The following PTPRD variants were observed in gnomAD, a reference collection of about 807,000 sequenced individuals.
PTPRD encodes protein tyrosine phosphatase receptor type D.
PTPRD carries 34 observed loss-of-function variants against 214.5 expected under a neutral mutation model. The observed-to-expected ratio is 0.16, with a 90% CI of 0.12 to 0.21. The LOEUF (loss-of-function observed/expected upper bound fraction) is 0.21. Among genes scored for constraint, PTPRD ranks in the 10% least tolerant of loss-of-function variants. The pLI, the probability that PTPRD is intolerant of heterozygous loss-of-function variation, is 1.00. For missense variants in PTPRD, 2,545 were observed against 2,398.7 expected, an observed-to-expected ratio of 1.06 and a Z score of -1.27; for synonymous variants, 1,128 against 845.7, an observed-to-expected ratio of 1.33 and a Z score of -5.79.
intron 10 of PTPRD, among the ~76,000 whole-genome samples, chr9:9,041,955 G>A (rs1027650543): frequency 6.6e-6 from 1 of 152,192 alleles, no homozygotes; most frequent in Admixed American, 6.5e-5. Context: ...TGTCTTGGCA[G>A]AAAACGGACA....
At chr9:9,747,152 C>T (rs1405737378) in intron 6 of PTPRD, among the ~76,000 whole-genome samples, 1 of 152,042 alleles carries the variant, frequency 6.6e-6, no homozygotes, top group African/African-American at 2.4e-5. Flanking sequence ...TTTTCAAAGC[C>T]TGGAAAAGAG....
At chr9:9,823,413 G>A (rs899310607) in intron 5 of PTPRD, among the ~76,000 whole-genome samples, 2 of 152,050 alleles carry the variant, frequency 1.3e-5, no homozygotes, top group African/African-American at 4.8e-5. Flanking sequence ...CACAAGCCTG[G>A]AGGGATCTGT....
intron 12 of PTPRD, among the ~76,000 whole-genome samples, chr9:8,643,843 G>C (rs976759556): frequency 6.6e-6 from 1 of 152,216 alleles, no homozygotes; most frequent in Non-Finnish European, 1.5e-5. Context: ...CAGCCTGGGT[G>C]CCACAGTTGG....
intron 8 of PTPRD, among the ~76,000 whole-genome samples, chr9:9,426,256 T>A (rs572991981): frequency 6.6e-6 from 1 of 152,264 alleles, no homozygotes; most frequent in African/African-American, 2.4e-5. Context: ...CACCAGGAGA[T>A]TATATTCTGC....
At chr9:9,776,297 C>A (rs1276017088) in intron 5 of PTPRD, among the ~76,000 whole-genome samples, 1 of 152,122 alleles carries the variant, frequency 6.6e-6, no homozygotes, top group East Asian at 1.9e-4. Flanking sequence ...AAGTTCATAC[C>A]ATCCCCCTTT....
intron 3 of PTPRD, among the ~76,000 whole-genome samples, chr9:10,288,752 A>G (rs929823602): frequency 6.6e-6 from 1 of 152,210 alleles, no homozygotes; most frequent in Non-Finnish European, 1.5e-5. Context: ...CATTTACTTT[A>G]CAAATTCTAA....
chr9:9,898,492 G>A (rs1184658842), intron 5 of PTPRD, among the ~76,000 whole-genome samples: 13 of 151,890 alleles, frequency 8.6e-5, no homozygotes, highest in African/African-American at 2.4e-4. Context: ...GAAAGATACC[G>A]CATCAAGGAT....
chr9:9,790,265 A>C (rs1299229317), intron 5 of PTPRD, among the ~76,000 whole-genome samples: 1 of 152,158 alleles, frequency 6.6e-6, no homozygotes, highest in African/African-American at 2.4e-5. Flanking sequence ...AAATGAGAAA[A>C]AATATGGCAA....
At chr9:8,346,776 A>T (rs2073944020) in intron 39 of PTPRD, among the ~76,000 whole-genome samples, 1 of 152,152 alleles carries the variant, frequency 6.6e-6, no homozygotes, top group Admixed American at 6.6e-5. Flanking sequence ...TTTAAGTGAA[A>T]AGGTGAAAGT....
intron 3 of PTPRD, among the ~76,000 whole-genome samples, chr9:10,294,964 C>T (rs961061789): frequency 6.7e-5 from 10 of 149,942 alleles, no homozygotes; most frequent in African/African-American, 2.5e-4. Flanking sequence ...TATCAATTTA[C>T]CATAGTAAGT....
At chr9:10,447,084 C>T (rs1410712906) in intron 2 of PTPRD, among the ~76,000 whole-genome samples, 1 of 152,090 alleles carries the variant, frequency 6.6e-6, no homozygotes, top group Non-Finnish European at 1.5e-5. Flanking sequence ...AAAACTTTTG[C>T]CAACTTTCAT....
intron 9 of PTPRD, among the ~76,000 whole-genome samples, chr9:9,346,351 G>C (rs1048791402): frequency 1.3e-5 from 2 of 152,100 alleles, no homozygotes; most frequent in African/African-American, 2.4e-5. Flanking sequence ...AACATAATTT[G>C]ATCTTGAGAA....
intron 10 of PTPRD, among the ~76,000 whole-genome samples, chr9:9,046,479 G>C (rs1265113917): frequency 2.0e-5 from 3 of 152,086 alleles, no homozygotes; most frequent in Admixed American, 1.3e-4. Context: ...TATCTGGAAA[G>C]ACAAAGCATA....
intron 3 of PTPRD, among the ~76,000 whole-genome samples, chr9:10,148,375 G>C (rs1278573433): frequency 6.6e-6 from 1 of 152,052 alleles, no homozygotes; most frequent in Non-Finnish European, 1.5e-5. Context: ...CTAAGTGTTG[G>C]AACAAAGACA....
At chr9:9,528,189 G>T (rs970475397) in intron 8 of PTPRD, among the ~76,000 whole-genome samples, 2 of 152,072 alleles carry the variant, frequency 1.3e-5, no homozygotes, top group African/African-American at 4.8e-5. Flanking sequence ...GATCTTCAAG[G>T]GACTCTACCA....
chr9:9,740,607 T>C (rs1029521589), intron 6 of PTPRD, among the ~76,000 whole-genome samples: 1 of 152,236 alleles, frequency 6.6e-6, no homozygotes, highest in Middle Eastern at 3.4e-3. Flanking sequence ...GTGATCTGTC[T>C]GCCTTGGCTC....
chr9:8,638,433 TG>T (rs2096495506), intron 12 of PTPRD, among the ~76,000 whole-genome samples: 1 of 152,114 alleles, frequency 6.6e-6, no homozygotes, highest in South Asian at 2.1e-4. Flanking sequence ...TGGATAATCT[TG>T]GAGGAAAAAA....
chr9:9,728,825 A>G (rs75603164), intron 7 of PTPRD, among the ~76,000 whole-genome samples: 10,578 of 152,070 alleles, frequency 0.07, 491 homozygotes, highest in Middle Eastern at 0.11. Context: ...GTAGATATGT[A>G]TCTTGTAGAT....
At chr9:8,595,945 G>A (rs1040625601) in intron 14 of PTPRD, among the ~76,000 whole-genome samples, 4 of 152,112 alleles carry the variant, frequency 2.6e-5, no homozygotes, top group Non-Finnish European at 5.9e-5. Flanking sequence ...TTGTGCCTAT[G>A]CCATTGTATA....
Sources: allele counts gnomAD v4.1 joint callset (sites outside exome capture counted in the v4.1 genomes callset), GRCh38; gene constraint gnomAD v4.1.1; transcripts MANE v1.5; gene names NCBI Gene and HGNC (gene_info 2026-07-23, HGNC 2026-07-21).